ADAMTS12: variants seen among roughly 807,000 people sequenced by gnomAD.
ADAMTS12 encodes ADAM metallopeptidase with thrombospondin type 1 motif 12.
Under a neutral mutation model 167.8 loss-of-function variants are expected in ADAMTS12, and 118 were observed. The observed-to-expected ratio is 0.70, with a 90% CI of 0.61 to 0.82. ADAMTS12 has a LOEUF of 0.82. ADAMTS12 is among the 40% of genes least tolerant of loss of function. ADAMTS12 has a pLI of 0.00. For missense variants in ADAMTS12, 1,916 were observed against 1,998.8 expected (o/e 0.96, Z 0.79); for synonymous variants, 704 against 716.9 (o/e 0.98, Z 0.29).
intron 2 of ADAMTS12, among the ~76,000 whole-genome samples, chr5:33,819,108 T>C (rs1747778129): frequency 6.6e-6 from 1 of 152,150 alleles, no homozygotes; most frequent in Non-Finnish European, 1.5e-5. Flanking sequence ...TATTTATTTA[T>C]TTTTGCTTTT....
chr5:33,529,253 A>G (rs935095156), intron 23 of ADAMTS12, among the ~76,000 whole-genome samples: 1 of 152,020 alleles, frequency 6.6e-6, no homozygotes, highest in Non-Finnish European at 1.5e-5. Flanking sequence ...GTGTCCTTTA[A>G]TTTTCTTGGC....
chr5:33,627,694 T>G (rs1345426150), intron 13 of ADAMTS12, among the ~76,000 whole-genome samples: 1 of 152,128 alleles, frequency 6.6e-6, no homozygotes, highest in Non-Finnish European at 1.5e-5. Flanking sequence ...AATTTAGAAA[T>G]GTTAAGATTG....
rs370204977 is a variant in ADAMTS12 at position 33,881,404 on chromosome 5, T to A, written c.204A>T (p.Ser68=). The part of the protein sequence containing the change: ...VRVDASGHFL[S]YGLHYPITSS... ...TCGTGATGGGATAGTGCAAGCCATA[T>A]GACAAAAAATGCCCACTGGCATCTA... is the stretch of plus-strand genomic sequence containing the variant. The change falls in exon 2 of 24, where the codon TCA becomes TCT. Residue 68 remains serine, a synonymous_variant. Coordinates refer to ENST00000504830, the MANE Select transcript of ADAMTS12 (RefSeq NM_030955.4). The A allele has an allele frequency of 6.2e-7, 1 of 1,614,108 alleles. No homozygotes were observed.
At chr5:33,795,865 C>CA (rs1372482434) in intron 2 of ADAMTS12, among the ~76,000 whole-genome samples, 2 of 151,978 alleles carry the variant, frequency 1.3e-5, no homozygotes, top group African/African-American at 4.8e-5. Context: ...AAAGCCCAGG[C>CA]AAAAAAATAC....
chr5:33,646,613 G>C (rs1456638891), intron 9 of ADAMTS12, among the ~76,000 whole-genome samples: 1 of 152,120 alleles, frequency 6.6e-6, no homozygotes, highest in Non-Finnish European at 1.5e-5. Context: ...AGATAGAACT[G>C]AAAATTTTCG....
intron 2 of ADAMTS12, among the ~76,000 whole-genome samples, chr5:33,856,060 A>T (rs1218529254): frequency 6.6e-6 from 1 of 152,172 alleles, no homozygotes. Context: ...AAGGCCTCCC[A>T]ACTTGTATTC....
chr5:33,854,730 C>T (rs1489522119), intron 2 of ADAMTS12, among the ~76,000 whole-genome samples: 5 of 152,142 alleles, frequency 3.3e-5, no homozygotes, highest in African/African-American at 1.2e-4. Context: ...GAGAAAAAAC[C>T]ATTCCTATTT....
intron 2 of ADAMTS12, among the ~76,000 whole-genome samples, chr5:33,871,414 C>T (rs1750033727): frequency 6.6e-6 from 1 of 151,918 alleles, no homozygotes; most frequent in Non-Finnish European, 1.5e-5. Context: ...AGGAAAACTA[C>T]AAAAGAATAT....
intron 6 of ADAMTS12, among the ~76,000 whole-genome samples, chr5:33,660,851 G>A (rs375150752): frequency 3.3e-5 from 5 of 152,132 alleles, no homozygotes; most frequent in South Asian, 2.1e-4. Context: ...TTTAACCAGC[G>A]TTTGAATACC....
intron 12 of ADAMTS12, among the ~76,000 whole-genome samples, chr5:33,634,091 T>A (rs1156424296): frequency 6.6e-6 from 1 of 152,196 alleles, no homozygotes; most frequent in Non-Finnish European, 1.5e-5. Flanking sequence ...CATTTTTGGA[T>A]AATGATCTTA....
chr5:33,888,135 T>C (rs1750704781), intron 1 of ADAMTS12: 1 of 152,236 alleles, frequency 6.6e-6, no homozygotes, highest in Non-Finnish European at 1.5e-5. Context: ...CGGTCCAATA[T>C]TAGTATATGT....
rs1360453343 is a variant in ADAMTS12 at position 33,724,998 on chromosome 5, C to G, written c.634+26406G>C. ...CTGTCTTGAAATGGCCCAGCTCAGG[C>G]CCGGAAACCCTATACCTTCCCCCTG... On this transcript the variant is annotated intron_variant, in intron 3 of 23. Transcript: ENST00000504830. 2.0e-5 allele frequency among the ~76,000 whole-genome samples: 3 copies of G among 152,296 alleles called. No homozygotes were observed. The East Asian group carries it at 5.8e-4, about 29-fold the overall frequency.
intron 5 of ADAMTS12, among the ~76,000 whole-genome samples, chr5:33,681,320 C>T (rs371157850): frequency 4.5e-4 from 69 of 152,284 alleles, no homozygotes; most frequent in Middle Eastern, 3.4e-3. Context: ...ACAATAAGCC[C>T]TCCCTTGGCA....
At chr5:33,549,954 T>C (rs1462783094) in intron 20 of ADAMTS12, among the ~76,000 whole-genome samples, 1 of 152,242 alleles carries the variant, frequency 6.6e-6, no homozygotes, top group Non-Finnish European at 1.5e-5. Context: ...AACTACTCAG[T>C]GGTTTGACTC....
At chr5:33,558,030 A>G (rs1489090748) in intron 20 of ADAMTS12, among the ~76,000 whole-genome samples, 1 of 152,068 alleles carries the variant, frequency 6.6e-6, no homozygotes, top group African/African-American at 2.4e-5. Flanking sequence ...AAACAAGCTC[A>G]GGGCTCCCAC....
chr5:33,590,628 TTATTTTTA>T (rs1307494437), intron 17 of ADAMTS12, among the ~76,000 whole-genome samples: 1 of 152,232 alleles, frequency 6.6e-6, no homozygotes, highest in East Asian at 1.9e-4. Flanking sequence ...TGAGAAATGT[TTATTTTTA>T]AAAGAAATTT....
At chr5:33,579,989 A>T (rs1455026328) in intron 18 of ADAMTS12, among the ~76,000 whole-genome samples, 1 of 147,640 alleles carries the variant, frequency 6.8e-6, no homozygotes, top group East Asian at 2.0e-4. Flanking sequence ...ACATGTCTAC[A>T]AGATACTGTG....
intron 2 of ADAMTS12, among the ~76,000 whole-genome samples, chr5:33,829,972 T>A (rs533155926): frequency 2.0e-4 from 30 of 152,158 alleles, no homozygotes; most frequent in Non-Finnish European, 4.4e-4. Context: ...TCTAACTCAA[T>A]AAAATGTTAG....
rs772438024 is a variant in ADAMTS12 at position 33,534,830 on chromosome 5, C to CA, written c.4606+2dup. On this transcript the variant is annotated splice_region_variant and intron_variant, in intron 23 of 23. Transcript: ENST00000504830. ...TTCTCCCCGAGCAAACCCATTCACC[C>CA]ACCGGCACTTTTCTTGCAGGCCTGC... 8.1e-6 allele frequency: 13 copies of CA among 1,611,046 alleles called. No individual in the cohort carries two copies. Among genetic ancestry groups the CA allele is most frequent in the Non-Finnish European group, 1.1e-5 (13 of 1,178,930 alleles).
Sources: gnomAD v4.1 joint callset for allele counts (sites outside exome capture counted in the v4.1 genomes callset) on GRCh38, gnomAD v4.1.1 for gene constraint, MANE v1.5 for transcripts, NCBI Gene and HGNC (gene_info 2026-07-23, HGNC 2026-07-21) for gene names.